The following CEP162 variants were observed in gnomAD, a reference collection of about 807,000 sequenced individuals.
CEP162 encodes centrosomal protein of 162 kDa.
CEP162 carries 141 observed loss-of-function variants against 169.2 expected under a neutral mutation model. That is an observed-to-expected ratio of 0.83 (90% CI 0.73 to 0.96). The LOEUF is 0.96. Among genes scored for constraint, CEP162 ranks in the 40% least tolerant of loss-of-function variants. CEP162 has a pLI of 0.00. For synonymous variants in CEP162, 540 were observed against 526.4 expected, an observed-to-expected ratio of 1.03 and a Z score of -0.35; for missense variants, 1,600 against 1,587.2, an observed-to-expected ratio of 1.01 and a Z score of -0.14.
At chr6:84,161,029 T>G (rs957299428) in intron 20 of CEP162, 113 bp from the exon 21 acceptor site, 6 of 741,068 alleles carry the variant, frequency 8.1e-6, no homozygotes, top group Middle Eastern at 2.6e-4. Flanking sequence ...TCAGCAAAAT[T>G]TGGGGAATTA....
intron 13 of CEP162, among the ~76,000 whole-genome samples, 171 bp from the exon 14 acceptor site, chr6:84,175,518 G>C (rs2099532056): frequency 1.3e-5 from 2 of 152,192 alleles, no homozygotes; most frequent in South Asian, 4.1e-4. Context: ...ATTGCATTCA[G>C]AAAGATTGCC....
At chr6:84,206,655 C>A (rs1238772654) in intron 6 of CEP162, among the ~76,000 whole-genome samples, 1 of 152,180 alleles carries the variant, frequency 6.6e-6, no homozygotes, top group Non-Finnish European at 1.5e-5. Flanking sequence ...AGGACATAGG[C>A]ATGGGCAAGG....
rs2099541559 is a variant in CEP162 at position 84,195,094 on chromosome 6, T to C, written c.836-19A>G. 1 of 1,521,934 alleles carries C rather than the reference T, an allele frequency of 6.6e-7. No homozygotes were observed. The allele number at this position is 1,521,934 out of a possible 1,614,324, so 94.3% of individuals were successfully genotyped here. On this transcript the variant is annotated intron_variant, in intron 9 of 26. Transcript: ENST00000403245. ...GAAACACCTGTTGAAATAAACGTAATCACCAGAAATAATTACATCACAAAT... is the reference window on the plus strand; with the variant it reads ...GAAACACCTGTTGAAATAAACGTAACCACCAGAAATAATTACATCACAAAT...
At chr6:84,148,562 C>T (rs1049209972) in intron 24 of CEP162, among the ~76,000 whole-genome samples, 4 of 151,998 alleles carry the variant, frequency 2.6e-5, no homozygotes, top group Admixed American at 2.0e-4. Flanking sequence ...AGAATAAGGG[C>T]ATTTCTCACA....
chr6:84,204,174 G>C (rs970108300), intron 6 of CEP162, 78 bp from the exon 7 acceptor site: 1 of 797,862 alleles, frequency 1.3e-6, no homozygotes, highest in Non-Finnish European at 2.0e-6. Context: ...TGTTGATTTC[G>C]AAAGGAAGAA....
rs2099544156 is a variant in CEP162, at chr6:84,200,868, G to A, written c.756C>T (p.Val252=). 6.2e-7 allele frequency: 1 copy of A among 1,610,624 alleles called. No individual in the cohort carries two copies. The highest frequency in any genetic ancestry group is 8.5e-7 in the Non-Finnish European group (1 of 1,177,124). The stretch of plus-strand genomic sequence containing the variant: ...TTATTTTATCTTGTTCATCAAGATT[G>A]ACCTCTGCAACAGAGTCTAATGAAT... ...LLDSLDSVAE[V]NLDEQDKITP... The change falls in exon 9 of 27, where the codon GTC becomes GTT. Residue 252 remains valine (V), a synonymous_variant. Coordinates refer to ENST00000403245, the MANE Select transcript of CEP162 (RefSeq NM_014895.4).
In CEP162 at chr6:84,170,373, CAAAAAAAAAAA is replaced by C. The variant is rs57988482; in HGVS notation, c.2280-951_2280-941del. ...TGGGTGACAGAGCGAGACTCCGTCT[CAAAAAAAAAAA>C]AAAAAAAAAAAAAAAAAAGCGTAAG... On this transcript the variant is annotated intron_variant, in intron 17 of 26. Transcript: ENST00000403245. Among the ~76,000 whole-genome samples, 28 of 28,348 alleles carry C rather than the reference CAAAAAAAAAAA, an allele frequency of 9.9e-4. 1 individual carries two copies. Among genetic ancestry groups the C allele is most frequent in the Admixed American group, 2.8e-3 (5 of 1,784 alleles). 18.6% of individuals were successfully genotyped at this position (28,348 alleles called of 152,430 possible). A position where few individuals can be genotyped will look rare whatever the true frequency, so the allele number is the denominator to read the frequency against.
chr6:84,216,301 T>C (rs1352657770), intron 3 of CEP162, among the ~76,000 whole-genome samples: 8 of 152,150 alleles, frequency 5.3e-5, no homozygotes, highest in African/African-American at 1.7e-4. Context: ...CTATTGGAAA[T>C]AGACTGTGGG....
intron 2 of CEP162, among the ~76,000 whole-genome samples, chr6:84,225,845 A>C (rs747027848): frequency 2.0e-5 from 3 of 152,190 alleles, no homozygotes; most frequent in African/African-American, 2.4e-5. Flanking sequence ...CCAGCCAGGT[A>C]AAGAGTAAGG....
intron 7 of CEP162, 65 bp from the exon 8 acceptor site, chr6:84,201,832 CA>C: frequency 1.3e-6 from 1 of 763,160 alleles, no homozygotes; most frequent in Non-Finnish European, 2.1e-6. Context: ...TACCACAATG[CA>C]AATAATAGCA....
At chr6:84,222,855 G>T (rs979919908) in intron 2 of CEP162, among the ~76,000 whole-genome samples, 1 of 152,224 alleles carries the variant, frequency 6.6e-6, no homozygotes, top group African/African-American at 2.4e-5. Context: ...ATTTAAAAAT[G>T]TTCAAGAAGA....
At chr6:84,175,450 G>C in intron 13 of CEP162, 103 bp from the exon 14 acceptor site, 1 of 802,810 alleles carries the variant, frequency 1.2e-6, no homozygotes, top group East Asian at 2.9e-5. Flanking sequence ...ACACAAAAAT[G>C]AGGATCTCAG....
intron 13 of CEP162, among the ~76,000 whole-genome samples, chr6:84,178,987 A>G (rs1366417583): frequency 6.6e-6 from 1 of 152,214 alleles, no homozygotes; most frequent in Non-Finnish European, 1.5e-5. Flanking sequence ...AAAGGACATG[A>G]ACTCATCCTT....
intron 6 of CEP162, among the ~76,000 whole-genome samples, 189 bp downstream of exon 6, chr6:84,212,768 A>G (rs1041786785): frequency 3.9e-5 from 6 of 152,148 alleles, no homozygotes; most frequent in African/African-American, 1.2e-4. Flanking sequence ...AGTCTATGAA[A>G]AAAACCTTTT....
In CEP162 at chr6:84,125,208, C is replaced by T. The variant is rs772494785; in HGVS notation, c.4074G>A (p.Leu1358=). Residue 1358 remains leucine (L), a synonymous_variant, in exon 27 of 27, where the codon CTG becomes CTA. Coordinates refer to ENST00000403245, the MANE Select transcript of CEP162 (RefSeq NM_014895.4). The part of the protein sequence containing the change: ...QNKEVEKWKR[L]AQLKNRELEK... ...CCAGCTCACGATTCTTTAACTGTGCCAGTCTTTTCCATTTTTCAACTTCTT... is the reference window on the plus strand; with the variant it reads ...CCAGCTCACGATTCTTTAACTGTGCTAGTCTTTTCCATTTTTCAACTTCTT... The T allele has an allele frequency of 1.9e-6, 3 of 1,613,642 alleles. No homozygotes were observed. In the Admixed American group the frequency reaches 5.0e-5, roughly 27 times the overall value.
chr6:84,215,828 A>G lies in CEP162; in HGVS notation c.267T>C (p.Phe89=), dbSNP rs1479212414. 6.3e-7 allele frequency: 1 copy of G among 1,589,428 alleles called. No homozygotes were observed. Among genetic ancestry groups the G allele is most frequent in the Non-Finnish European group, 8.6e-7 (1 of 1,166,144 alleles). The change falls in exon 4 of 27, where the codon TTT becomes TTC. Residue 89 remains phenylalanine, a synonymous_variant. Transcript: ENST00000403245. ...IEEESAEKIQ[F]LKSSGTSLLS... is the part of the protein sequence containing the mutation. ...AGAGAGAGGTTCCACTGCTCTTAAGAAATTGAATCTTTTCAGCAGACTCCT... is the reference window on the plus strand; with the variant it reads ...AGAGAGAGGTTCCACTGCTCTTAAGGAATTGAATCTTTTCAGCAGACTCCT...
chr6:84,174,016 T>C, intron 16 of CEP162, 32 bp downstream of exon 16: 1 of 1,583,452 alleles, frequency 6.3e-7, no homozygotes, highest in Non-Finnish European at 8.6e-7. Flanking sequence ...AGATCAAGAG[T>C]AAATTTGCCA....
Position 84,135,762 on chromosome 6 carries a change from C to A in CEP162, c.3871-9250G>T, listed in dbSNP as rs540154809. ...CCTGTAATCCCAGCTACTCAGGAAG[C>A]TGAGACATAAGAATCACTTGAATGA... On this transcript the variant is annotated intron_variant, in intron 25 of 26. Transcript: ENST00000403245. Among the ~76,000 whole-genome samples the A allele has an allele frequency of 6.3e-3, 952 of 152,228 alleles. 4 individuals are homozygous for A. Among genetic ancestry groups the A allele is most frequent in the African/African-American group, 0.022 (916 of 41,536 alleles).
In CEP162 at chr6:84,152,888, C is replaced by A; in HGVS notation, c.3286G>T (p.Ala1096Ser). ...KLVRLNEELA[A>S]KKREIQDLSK... ...AGGTCTTGTATTTCTCTCTTTTTTG[C>A]AGCCAGTTCTTCATTGAGTCTTACT... Residue 1096 changes from alanine (A) to serine (S), a missense_variant, in exon 23 of 27, where the codon GCA (alanine) becomes TCA (serine). Ala to Ser is a moderately conservative substitution (Grantham distance 99). Coordinates refer to ENST00000403245, the MANE Select transcript of CEP162 (RefSeq NM_014895.4). 6.2e-7 allele frequency: 1 copy of A among 1,613,610 alleles called. No individual in the cohort carries two copies. The highest frequency in any genetic ancestry group is 1.1e-5 in the South Asian group (1 of 91,068).
Sources: allele counts gnomAD v4.1 joint callset (sites outside exome capture counted in the v4.1 genomes callset), GRCh38; gene constraint gnomAD v4.1.1; transcripts MANE v1.5; gene names NCBI Gene and HGNC (gene_info 2026-07-23, HGNC 2026-07-21).